FMR1NB: variants seen among roughly 807,000 people sequenced by gnomAD.
FMR1NB encodes the protein FMR1 neighbor.
In FMR1NB, 10 loss-of-function variants were observed where a neutral mutation model predicts 16.8. That is an observed-to-expected ratio of 0.60 (90% CI 0.37 to 1.01). FMR1NB has a LOEUF of 1.01. Among genes scored for constraint, FMR1NB ranks in the 50% least tolerant of loss-of-function variants. The probability of loss-of-function intolerance (pLI) is 0.01; values close to 1 mark genes in which losing one functional copy is unlikely to be tolerated. For synonymous variants in FMR1NB, 83 were observed against 79.1 expected, an observed-to-expected ratio of 1.05 and a Z score of -0.26; for missense variants, 205 against 204.8, an observed-to-expected ratio of 1.00 and a Z score of 0.00.
intron 1 of FMR1NB, among the ~76,000 whole-genome samples, chrX:148,001,863 A>T (rs1263631580): frequency 2.7e-5 from 3 of 109,226 alleles, no homozygotes; most frequent in African/African-American, 1.1e-4. Context: ...GACTATAAGG[A>T]TATAGTAAGG....
chrX:148,005,130 C>T (rs191497612), intron 2 of FMR1NB, among the ~76,000 whole-genome samples: 5 of 112,254 alleles, frequency 4.5e-5, no homozygotes, highest in South Asian at 7.5e-4. Context: ...CCTCGTGATC[C>T]GCCCGCCTTG....
intron 4 of FMR1NB, among the ~76,000 whole-genome samples, chrX:148,008,936 T>C (rs1051585346): frequency 4.5e-5 from 5 of 111,383 alleles, no homozygotes; most frequent in Non-Finnish European, 7.5e-5. Context: ...TCCCAGCACT[T>C]TGGGAGGCCG....
intron 3 of FMR1NB, chrX:148,008,050 T>G (rs539413202): frequency 1.8e-5 from 2 of 112,501 alleles, no homozygotes. Flanking sequence ...TTATTTCACC[T>G]GCACATTCTT....
chrX:148,010,766 C>CT (rs1309402555), intron 4 of FMR1NB, among the ~76,000 whole-genome samples: 6 of 110,501 alleles, frequency 5.4e-5, no homozygotes, highest in African/African-American at 1.7e-4. Flanking sequence ...TTTGGAAGAC[C>CT]TTTTTTTGCT....
At chrX:148,010,891 C>T (rs1569546718) in intron 4 of FMR1NB, among the ~76,000 whole-genome samples, 3 of 111,281 alleles carry the variant, frequency 2.7e-5, no homozygotes, top group Non-Finnish European at 5.7e-5. Flanking sequence ...TCTTGGCCTT[C>T]GGTTGCAAGC....
intron 1 of FMR1NB, among the ~76,000 whole-genome samples, chrX:147,995,523 G>A (rs146750985): frequency 0.015 from 1,619 of 111,626 alleles, 32 homozygotes; most frequent in African/African-American, 0.05. Flanking sequence ...CAGACCAGTG[G>A]CATACAGGAT....
chrX:148,007,780 T>G (rs1557189269), intron 3 of FMR1NB, among the ~76,000 whole-genome samples: 1 of 112,291 alleles, frequency 8.9e-6, no homozygotes, highest in African/African-American at 3.2e-5. Flanking sequence ...AATAATATCT[T>G]AAGTTAATAT....
At chrX:147,999,079 T>C (rs1218581345) in intron 1 of FMR1NB, among the ~76,000 whole-genome samples, 4 of 111,471 alleles carry the variant, frequency 3.6e-5, no homozygotes, top group African/African-American at 1.3e-4. Context: ...AAAAACATGA[T>C]GGAGAGAAAT....
chrX:147,986,310 G>A (rs1277374000), intron 1 of FMR1NB, among the ~76,000 whole-genome samples: 1 of 112,342 alleles, frequency 8.9e-6, no homozygotes, highest in African/African-American at 3.2e-5. Flanking sequence ...CTGAGCAGAA[G>A]CTCTTTAGTT....
At chrX:147,992,223 C>T (rs1438028668) in intron 1 of FMR1NB, among the ~76,000 whole-genome samples, 3 of 104,165 alleles carry the variant, frequency 2.9e-5, no homozygotes, top group Non-Finnish European at 5.9e-5. Flanking sequence ...CCTCACTTCC[C>T]AGTAGGGGTG....
At chrX:147,988,726 T>A (rs1397822632) in intron 1 of FMR1NB, among the ~76,000 whole-genome samples, 1 of 111,727 alleles carries the variant, frequency 9.0e-6, no homozygotes, top group Non-Finnish European at 1.9e-5. Flanking sequence ...TTTTCTCTAA[T>A]CTTGTCTTCA....
intron 4 of FMR1NB, among the ~76,000 whole-genome samples, chrX:148,022,607 G>T (rs2044685055): frequency 9.0e-6 from 1 of 111,240 alleles, no homozygotes; most frequent in South Asian, 3.8e-4. Context: ...CCACCTCTAG[G>T]ACACTGAAAA....
intron 4 of FMR1NB, among the ~76,000 whole-genome samples, chrX:148,018,667 A>G (rs2044663171): frequency 9.0e-6 from 1 of 111,009 alleles, no homozygotes; most frequent in African/African-American, 3.3e-5. Context: ...TTATACAAAA[A>G]TTAATTCAAG....
At chrX:147,998,328 A>G (rs1317151405) in intron 1 of FMR1NB, among the ~76,000 whole-genome samples, 1 of 112,030 alleles carries the variant, frequency 8.9e-6, no homozygotes, top group African/African-American at 3.3e-5. Context: ...GCTTGAAACC[A>G]TCATTCTCAG....
At chrX:148,019,376 T>C (rs782635291) in intron 4 of FMR1NB, among the ~76,000 whole-genome samples, 1 of 112,613 alleles carries the variant, frequency 8.9e-6, no homozygotes, top group East Asian at 2.8e-4. Context: ...TGAAAGATAA[T>C]ATGTCTTTGT....
At chrX:148,018,913 G>A (rs1452489260) in intron 4 of FMR1NB, among the ~76,000 whole-genome samples, 6 of 110,942 alleles carry the variant, frequency 5.4e-5, no homozygotes, top group South Asian at 7.6e-4. Context: ...GAAAATTTTC[G>A]CAACCTACTC....
Position 148,014,270 on chromosome X carries a change from T to G in FMR1NB, c.632+5559T>G, listed in dbSNP as rs143794993. On this transcript the variant is annotated intron_variant, in intron 4 of 5. Transcript: ENST00000370467. ...TTCCTGGTACTTAAATAGGAATGTA[T>G]AGCATTGGCCTTAGGTAAAGAGGAA... Among the ~76,000 whole-genome samples the G allele has an allele frequency of 8.8e-4, 98 of 111,358 alleles. 3 individuals are homozygous for G. In the East Asian group the frequency reaches 0.022, roughly 25 times the overall value.
chrX:147,984,351 C>G (rs75026128), intron 1 of FMR1NB, among the ~76,000 whole-genome samples: 2 of 111,422 alleles, frequency 1.8e-5, no homozygotes, highest in Non-Finnish European at 3.8e-5. Flanking sequence ...TGTGACCACC[C>G]CATGTCTTTC....
At chrX:148,018,914 C>T (rs2044664843) in intron 4 of FMR1NB, among the ~76,000 whole-genome samples, 1 of 111,409 alleles carries the variant, frequency 9.0e-6, no homozygotes, top group African/African-American at 3.3e-5. Context: ...AAAATTTTCG[C>T]AACCTACTCG....
Sources: allele counts gnomAD v4.1 joint callset (sites outside exome capture counted in the v4.1 genomes callset), GRCh38; gene constraint gnomAD v4.1.1; transcripts MANE v1.5; gene names NCBI Gene and HGNC (gene_info 2026-07-23, HGNC 2026-07-21).